Variants in RIPOR2 observed in about 807,000 individuals in gnomAD.
RIPOR2 encodes rho family-interacting cell polarization regulator 2.
In RIPOR2, 39 loss-of-function variants were observed where a neutral mutation model predicts 114.5. The observed-to-expected ratio is 0.34, with a 90% CI of 0.26 to 0.44. The LOEUF is 0.44. Ranked by LOEUF, RIPOR2 falls within the 20% of genes least tolerant of loss-of-function variation. The pLI, the probability that RIPOR2 is intolerant of heterozygous loss-of-function variation, is 1.00. For synonymous variants in RIPOR2, 445 were observed against 484.4 expected (o/e 0.92, Z 1.07); for missense variants, 1,007 against 1,255.1 (o/e 0.80, Z 2.99).
intron 13 of RIPOR2, chr6:24,840,898 CAG>C (rs1427893865): frequency 1.5e-5 from 13 of 864,984 alleles, no homozygotes; most frequent in Admixed American, 1.4e-4. Context: ...TCAGCAGTCT[CAG>C]GGGGAGACAG....
chr6:24,957,938 A>G (rs1454157063), intron 1 of RIPOR2, among the ~76,000 whole-genome samples: 1 of 152,188 alleles, frequency 6.6e-6, no homozygotes. Context: ...TCCTTCTGAT[A>G]ACACTGTTGG....
intron 1 of RIPOR2, among the ~76,000 whole-genome samples, chr6:24,992,514 G>A (rs1774866794): frequency 6.6e-6 from 1 of 152,228 alleles, no homozygotes; most frequent in South Asian, 2.1e-4. Context: ...CGGCTGACCA[G>A]GTAGGTGAAA....
chr6:25,035,987 T>C (rs1023760579), intron 1 of RIPOR2, among the ~76,000 whole-genome samples: 1 of 152,162 alleles, frequency 6.6e-6, no homozygotes, highest in Non-Finnish European at 1.5e-5. Context: ...CTTACCTCCT[T>C]GTGTAGAATT....
At chr6:24,861,764 C>T (rs546764097) in intron 7 of RIPOR2, among the ~76,000 whole-genome samples, 19 of 152,292 alleles carry the variant, frequency 1.2e-4, no homozygotes, top group African/African-American at 4.6e-4. Context: ...ATGTCTATCA[C>T]TTACTGTCAA....
At chr6:24,946,029 A>T (rs1772387740) in intron 1 of RIPOR2, among the ~76,000 whole-genome samples, 1 of 152,114 alleles carries the variant, frequency 6.6e-6, no homozygotes, top group Non-Finnish European at 1.5e-5. Context: ...CATTTCTAAT[A>T]AAATTTTGAT....
At chr6:24,885,500 AG>A (rs1766754930) in intron 1 of RIPOR2, among the ~76,000 whole-genome samples, 1 of 151,634 alleles carries the variant, frequency 6.6e-6, no homozygotes, top group South Asian at 2.2e-4. Context: ...CTGGAATTAC[AG>A]GTGTGAGCCA....
At chr6:24,875,324 G>A (rs905399333) in intron 2 of RIPOR2, among the ~76,000 whole-genome samples, 1 of 152,210 alleles carries the variant, frequency 6.6e-6, no homozygotes, top group Non-Finnish European at 1.5e-5. Context: ...CTGCTCCCCA[G>A]AGTCAATCTG....
intron 13 of RIPOR2, chr6:24,839,933 A>ATTTTTTTTTTTTTT (rs1562240965): frequency 7.1e-6 from 2 of 280,614 alleles, no homozygotes; most frequent in African/African-American, 9.3e-5. Flanking sequence ...GAAGCCCTGC[A>ATTTTTTTTTTTTTT]TCTTTTTTTT....
intron 1 of RIPOR2, among the ~76,000 whole-genome samples, chr6:24,949,701 C>T (rs533938291): frequency 1.3e-5 from 2 of 152,300 alleles, no homozygotes; most frequent in South Asian, 2.1e-4. Context: ...GGCAATGGGG[C>T]GCAGGGCTCA....
At chr6:24,901,120 T>C (rs1561750770) in intron 1 of RIPOR2, among the ~76,000 whole-genome samples, 1 of 152,130 alleles carries the variant, frequency 6.6e-6, no homozygotes, top group East Asian at 1.9e-4. Context: ...TTTTACCATA[T>C]GCAGAATCTT....
chr6:25,027,020 A>T, intron 1 of RIPOR2, among the ~76,000 whole-genome samples: 1 of 151,996 alleles, frequency 6.6e-6, no homozygotes, highest in Non-Finnish European at 1.5e-5. Context: ...AAAAGAAACC[A>T]CTCAGGCAAA....
At chr6:24,955,187 A>G (rs1039961299) in intron 1 of RIPOR2, among the ~76,000 whole-genome samples, 7 of 152,198 alleles carry the variant, frequency 4.6e-5, no homozygotes, top group African/African-American at 1.7e-4. Context: ...TCAATTTATA[A>G]TACCTGTCCA....
At chr6:24,996,998 T>C (rs9467375) in intron 1 of RIPOR2, among the ~76,000 whole-genome samples, 43,078 of 152,190 alleles carry the variant, frequency 0.28, 6,365 homozygotes, top group Middle Eastern at 0.36. Context: ...CAATCATACA[T>C]ACGCTGAAGC....
In RIPOR2 at chr6:24,806,353, G is replaced by C; in HGVS notation, c.*20C>G. On this transcript the variant is annotated 3_prime_UTR_variant, in exon 22 of 22. Coordinates refer to ENST00000643898, the MANE Select transcript of RIPOR2 (RefSeq NM_001286445.3). ...AAAAGGGCCAGATATTAAGACAGCT[G>C]TTAGGCAGTTAACCTGTAATTAAAA... 2 of 1,476,360 alleles carry C rather than the reference G, an allele frequency of 1.4e-6. No individual in the cohort carries two copies. The highest frequency in any genetic ancestry group is 1.4e-5 in the African/African-American group (1 of 71,766). The allele number at this position is 1,476,360 out of a possible 1,614,324, so 91.5% of individuals were successfully genotyped here. A position where few individuals can be genotyped will look rare whatever the true frequency, so the allele number is the denominator to read the frequency against.
intron 1 of RIPOR2, among the ~76,000 whole-genome samples, chr6:25,022,484 C>G (rs530872355): frequency 1.0e-4 from 14 of 135,518 alleles, no homozygotes; most frequent in African/African-American, 3.5e-4. Context: ...AAGTAAAGGA[C>G]AAATATTTCT....
chr6:25,036,020 C>T (rs1777232839), intron 1 of RIPOR2, among the ~76,000 whole-genome samples: 1 of 152,198 alleles, frequency 6.6e-6, no homozygotes, highest in African/African-American at 2.4e-5. Context: ...TGGTGGCAGA[C>T]AGGAGAGCCC....
chr6:24,840,542 G>A (rs1761605175), intron 13 of RIPOR2: 1 of 1,436,660 alleles, frequency 7.0e-7, no homozygotes, highest in African/African-American at 1.4e-5. Flanking sequence ...GACAAATTCT[G>A]CAAGTTAGAA....
chr6:24,924,383 G>A (rs1429595877), intron 1 of RIPOR2, among the ~76,000 whole-genome samples: 1 of 152,126 alleles, frequency 6.6e-6, no homozygotes, highest in Admixed American at 6.6e-5. Context: ...TCATATGGGG[G>A]AAAGAAGTCC....
chr6:24,985,755 A>C (rs1774502578), intron 1 of RIPOR2, among the ~76,000 whole-genome samples: 1 of 152,180 alleles, frequency 6.6e-6, no homozygotes, highest in Non-Finnish European at 1.5e-5. Flanking sequence ...GGGCTGATGT[A>C]CAGGGTACTT....
Sources: allele counts gnomAD v4.1 joint callset (sites outside exome capture counted in the v4.1 genomes callset), GRCh38; gene constraint gnomAD v4.1.1; transcripts MANE v1.5; gene names NCBI Gene and HGNC (gene_info 2026-07-23, HGNC 2026-07-21).